The following CCDC174 variants were observed in gnomAD, a reference collection of about 807,000 sequenced individuals.
The protein encoded by CCDC174 is coiled-coil domain-containing protein 174.
In CCDC174, 37 loss-of-function variants were observed where a neutral mutation model predicts 57.1. The observed-to-expected ratio is 0.65, with a 90% CI of 0.50 to 0.85. CCDC174 has a LOEUF of 0.85. Among genes scored for constraint, CCDC174 ranks in the 40% least tolerant of loss-of-function variants. CCDC174 has a pLI of 0.00. For synonymous variants in CCDC174, 182 were observed against 190.2 expected, an observed-to-expected ratio of 0.96 and a Z score of 0.35; for missense variants, 540 against 574.3, an observed-to-expected ratio of 0.94 and a Z score of 0.61.
Position 14,658,872 on chromosome 3 carries a change from GA to G in CCDC174, c.255del (p.Lys85AsnfsTer12). ...ATACTTGTATTTTTTTTCTCCTAGG[GA>G]AAAATTGGAAGAAAAAGCCAAATTA... ...EEQKTLDKAR[E>X]KLEEKAKLYE... On this transcript the variant is annotated frameshift_variant and splice_region_variant, in exon 4 of 11. Transcript: ENST00000383794. LOFTEE classifies it high-confidence loss of function. The G allele has an allele frequency of 6.5e-7, 1 of 1,542,226 alleles. No individual in the cohort carries two copies. The highest frequency in any genetic ancestry group is 8.9e-7 in the Non-Finnish European group (1 of 1,129,442).
In CCDC174 at chr3:14,671,295, T is replaced by G; in HGVS notation, c.*101T>G. ...ACTGAATTGTACCTTTGTCCTGTCC[T>G]TTCCCTAGGAGGCACAGACTTCGGG... On this transcript the variant is annotated 3_prime_UTR_variant, in exon 11 of 11. Transcript: ENST00000383794. The G allele has an allele frequency of 8.0e-7, 1 of 1,247,836 alleles. No homozygotes were observed. Among genetic ancestry groups the G allele is most frequent in the East Asian group, 2.4e-5 (1 of 42,278 alleles). The allele number at this position is 1,247,836 out of a possible 1,614,324, so 77.3% of individuals were successfully genotyped here. A position where few individuals can be genotyped will look rare whatever the true frequency, so the allele number is the denominator to read the frequency against.
chr3:14,668,662 C>T (rs535340780), intron 9 of CCDC174, among the ~76,000 whole-genome samples: 1 of 141,836 alleles, frequency 7.1e-6, no homozygotes, highest in Admixed American at 7.1e-5. Context: ...AGCACGGTTC[C>T]CCTTGGAAAC....
chr3:14,669,839 T>C (rs996116119), intron 9 of CCDC174, 95 bp from the exon 10 acceptor site: 6 of 1,252,340 alleles, frequency 4.8e-6, no homozygotes, highest in African/African-American at 4.5e-5. Context: ...TAAATACTGA[T>C]GGTTACTTTT....
Position 14,667,425 on chromosome 3 carries a change from G to C in CCDC174, c.726G>C (p.Glu242Asp). 6.2e-7 allele frequency: 1 copy of C among 1,613,542 alleles called. No individual in the cohort carries two copies. The change falls in exon 8 of 11, where the codon GAG becomes GAC. Residue 242 changes from glutamate to aspartate, a missense_variant and splice_region_variant. Glu to Asp is a conservative substitution (Grantham distance 45). Transcript: ENST00000383794. ...PVHYEDIREN[E>D]ARQLGVGYFA... ...TTGGGTAATTCATACTTCTTTCAGAGGCCCGGCAACTTGGTGTTGGGTATT... is the reference window on the plus strand; with the variant it reads ...TTGGGTAATTCATACTTCTTTCAGACGCCCGGCAACTTGGTGTTGGGTATT...
At position 14,660,231 on chromosome 3, in the gene CCDC174, C is replaced by T. The variant is rs560957203; in HGVS notation, c.308-1299C>T. Reference sequence around the variant, plus strand: ...AAAAATAAGTTTATTTCAGGCTAGGCGTGGTGGCTCATGCCTGTAATCCCA... The same window carrying T: ...AAAAATAAGTTTATTTCAGGCTAGGTGTGGTGGCTCATGCCTGTAATCCCA... On this transcript the variant is annotated intron_variant, in intron 4 of 10. Coordinates refer to ENST00000383794, the MANE Select transcript of CCDC174 (RefSeq NM_016474.5). Among the ~76,000 whole-genome samples the T allele has an allele frequency of 2.6e-5, 4 of 152,326 alleles. No homozygotes were observed. The East Asian group carries it at 5.8e-4, about 22-fold the overall frequency.
chr3:14,667,588 G>GAA, intron 8 of CCDC174, 70 bp downstream of exon 8: 1 of 1,082,894 alleles, frequency 9.2e-7, no homozygotes, highest in East Asian at 2.4e-5. Context: ...CCATACTGCA[G>GAA]AAAAATCTAG....
At chr3:14,666,711 A>G (rs927494120) in intron 6 of CCDC174, 94 bp from the exon 7 acceptor site, 3 of 981,386 alleles carry the variant, frequency 3.1e-6, no homozygotes, top group Non-Finnish European at 2.9e-6. Context: ...TCTTTATCAA[A>G]TAGTGTTACT....
chr3:14,667,253 A>G, intron 7 of CCDC174, 171 bp from the exon 8 acceptor site: 1 of 654,212 alleles, frequency 1.5e-6, no homozygotes, highest in Non-Finnish European at 2.6e-6. Context: ...ACTTGGTCTA[A>G]CTTTTGTGTT....
intron 7 of CCDC174, 136 bp downstream of exon 7, chr3:14,667,083 C>A: frequency 1.3e-6 from 1 of 753,794 alleles, no homozygotes; most frequent in Non-Finnish European, 2.1e-6. Context: ...GAAAATATCT[C>A]CTTTGTTCAC....
rs1209317547 is a variant in CCDC174, at chr3:14,661,631, G to A, written c.409G>A (p.Ala137Thr). ...TGGTGCCCATAGAGATTCTCAAAAG[G>A]CAGGAGAAAGGGACGACGATGAGGA... is the stretch of plus-strand genomic sequence containing the variant. ...ASGAHRDSQK[A>T]GERDDDEENL... The change falls in exon 5 of 11, where the codon GCA becomes ACA. Residue 137 changes from alanine (A) to threonine (T), a missense_variant. Transcript: ENST00000383794. 5 of 1,614,210 alleles carry A rather than the reference G, an allele frequency of 3.1e-6. No homozygotes were observed. Among genetic ancestry groups the A allele is most frequent in the Non-Finnish European group, 4.2e-6 (5 of 1,180,034 alleles).
rs752346702 is a variant in CCDC174, at chr3:14,671,234, T to G, written c.*40T>G. 1 of 1,546,500 alleles carries G rather than the reference T, an allele frequency of 6.5e-7. No homozygotes were observed. The highest frequency in any genetic ancestry group is 8.8e-7 in the Non-Finnish European group (1 of 1,135,178). On this transcript the variant is annotated 3_prime_UTR_variant, in exon 11 of 11. Transcript: ENST00000383794. ...CTGACTTGGGTTTGTACTTTGACAG[T>G]GCCTTTCTCTCCCAGAGGGAGAAAT...
intron 6 of CCDC174, among the ~76,000 whole-genome samples, chr3:14,665,363 A>G (rs1435472594): frequency 1.3e-5 from 2 of 152,188 alleles, no homozygotes; most frequent in Non-Finnish European, 2.9e-5. Flanking sequence ...ACTTGGAAGG[A>G]TGTCTGACAA....
Position 14,669,987 on chromosome 3 carries a change from C to G in CCDC174, c.1006C>G (p.Arg336Gly). The G allele has an allele frequency of 6.2e-7, 1 of 1,613,510 alleles. No homozygotes were observed. Reference sequence around the variant, plus strand: ...GGAGCCAGAGGCTGTGCCAACCCCACGTCCTGCTGCCCAGAGTAGCAAAGT... The same window carrying G: ...GGAGCCAGAGGCTGTGCCAACCCCAGGTCCTGCTGCCCAGAGTAGCAAAGT... Reference protein sequence around the residue: ...PPEPEAVPTPRPAAQSSKVEV... With the variant: ...PPEPEAVPTPGPAAQSSKVEV... The change falls in exon 10 of 11, where the codon CGT (arginine) becomes GGT (glycine). Residue 336 changes from arginine to glycine, a missense_variant. Transcript: ENST00000383794.
intron 3 of CCDC174, among the ~76,000 whole-genome samples, chr3:14,656,955 A>G (rs2030978653): frequency 1.3e-5 from 2 of 152,228 alleles, no homozygotes; most frequent in Non-Finnish European, 2.9e-5. Context: ...GTCTGAAGAT[A>G]GAAGGCAGAA....
intron 5 of CCDC174, among the ~76,000 whole-genome samples, chr3:14,662,958 A>G (rs570447565): frequency 2.0e-5 from 3 of 152,372 alleles, no homozygotes; most frequent in African/African-American, 7.2e-5. Flanking sequence ...TACCATTTGG[A>G]ACAGGTGTCA....
chr3:14,658,821 G>A, intron 3 of CCDC174, 50 bp from the exon 4 acceptor site: 2 of 1,518,728 alleles, frequency 1.3e-6, no homozygotes, highest in Non-Finnish European at 8.9e-7. Context: ...GGGCAACCAG[G>A]ATGAACAGTT....
intron 2 of CCDC174, among the ~76,000 whole-genome samples, chr3:14,655,292 C>G (rs1022118710): frequency 2.0e-5 from 3 of 151,220 alleles, no homozygotes; most frequent in African/African-American, 7.3e-5. Context: ...GCCTGGGTGA[C>G]AGAGTGAGAT....
intron 4 of CCDC174, 79 bp downstream of exon 4, chr3:14,659,008 C>T (rs2031045528): frequency 2.3e-6 from 3 of 1,284,038 alleles, no homozygotes; most frequent in Non-Finnish European, 3.2e-6. Context: ...GTTAAAATAA[C>T]TGTAGGAGTA....
chr3:14,669,535 G>A (rs1181966115), intron 9 of CCDC174, among the ~76,000 whole-genome samples: 3 of 152,028 alleles, frequency 2.0e-5, no homozygotes, highest in Non-Finnish European at 2.9e-5. Context: ...TGCTTGCTTC[G>A]CCTGAGATTG....
Sources: allele counts gnomAD v4.1 joint callset (sites outside exome capture counted in the v4.1 genomes callset), GRCh38; gene constraint gnomAD v4.1.1; transcripts MANE v1.5; gene names NCBI Gene and HGNC (gene_info 2026-07-23, HGNC 2026-07-21).